The following ASIC1 variants were observed in gnomAD, a reference collection of about 807,000 sequenced individuals.
ASIC1 encodes the protein acid-sensing ion channel 1.
ASIC1 carries 21 observed loss-of-function variants against 63.4 expected under a neutral mutation model. The observed-to-expected ratio is 0.33, with a 90% CI of 0.23 to 0.48. The LOEUF (loss-of-function observed/expected upper bound fraction) is 0.48, where lower values mean the gene tolerates loss of function less well. ASIC1 is among the 20% of genes least tolerant of loss of function. ASIC1 has a pLI of 0.99. For missense variants in ASIC1, 478 were observed against 695.5 expected (o/e 0.69, Z 3.52); for synonymous variants, 258 against 278.2 (o/e 0.93, Z 0.72).
chr12:50,071,284 T>C (rs1033119417), intron 3 of ASIC1, among the ~76,000 whole-genome samples: 2 of 149,672 alleles, frequency 1.3e-5, no homozygotes, highest in South Asian at 2.1e-4. Context: ...TTTTTTTTTT[T>C]GAGACGGAGT....
At chr12:50,079,307 TG>T (rs772265841) in intron 7 of ASIC1, among the ~76,000 whole-genome samples, 103 of 152,088 alleles carry the variant, frequency 6.8e-4, no homozygotes, top group Non-Finnish European at 1.0e-3. Context: ...CCAGCTACTC[TG>T]GAGGCTGAGG....
In ASIC1 at chr12:50,080,325, T is replaced by G. The variant is rs1950702413; in HGVS notation, c.1206-173T>G. 20 of 785,546 alleles carry G rather than the reference T, an allele frequency of 2.5e-5. 1 individual carries two copies. In the South Asian group the frequency reaches 3.2e-4, roughly 12 times the overall value. 48.7% of individuals were successfully genotyped at this position (785,546 alleles called of 1,614,324 possible). A position where few individuals can be genotyped will look rare whatever the true frequency, so the allele number is the denominator to read the frequency against. On this transcript the variant is annotated intron_variant, in intron 8 of 11. Coordinates refer to ENST00000447966, the MANE Select transcript of ASIC1 (RefSeq NM_001095.4). ...TGCATACTGCATATGGTACAGAACA[T>G]TTTTTCATATATGCCATCTCATTTA...
intron 3 of ASIC1, among the ~76,000 whole-genome samples, chr12:50,064,291 G>A (rs952484358): frequency 5.9e-5 from 9 of 152,102 alleles, no homozygotes; most frequent in African/African-American, 2.2e-4. Flanking sequence ...GAGAGGAGAT[G>A]GGAGCAGAGC....
chr12:50,080,008 A>T lies in ASIC1; in HGVS notation c.1158A>T (p.Ser386=), dbSNP rs1167212022. Residue 386 remains serine (S), a synonymous_variant, in exon 8 of 12, where the codon TCA becomes TCT. Coordinates refer to ENST00000447966, the MANE Select transcript of ASIC1 (RefSeq NM_001095.4). ...TGGTCAAGATCCCCAGCAAAGCCTC[A>T]GCCAAGTACCTGGCCAAGAAGTTCA... The part of the protein sequence containing the change: ...LSMVKIPSKA[S]AKYLAKKFNK... 1.2e-6 allele frequency: 2 copies of T among 1,613,954 alleles called. No homozygotes were observed. Among genetic ancestry groups the T allele is most frequent in the Non-Finnish European group, 1.7e-6 (2 of 1,179,996 alleles).
chr12:50,058,653 C>T (rs1249826487), intron 1 of ASIC1, 98 bp from the exon 2 acceptor site: 5 of 1,436,534 alleles, frequency 3.5e-6, no homozygotes, highest in Non-Finnish European at 4.6e-6. Context: ...GGAGTGGTGA[C>T]CTCTGGAGAT....
In ASIC1 at chr12:50,074,651, C is replaced by A. The variant is rs1255251848; in HGVS notation, c.559-2562C>A. Among the ~76,000 whole-genome samples, 2 of 152,254 alleles carry A rather than the reference C, an allele frequency of 1.3e-5. No homozygotes were observed. The highest frequency in any genetic ancestry group is 1.9e-4 in the East Asian group (1 of 5,166). On this transcript the variant is annotated intron_variant, in intron 3 of 11. Coordinates refer to ENST00000447966, the MANE Select transcript of ASIC1 (RefSeq NM_001095.4). The surrounding 1 kb of genome is among the most constrained non-coding windows in gnomAD (Gnocchi z 4.2). Reference sequence around the variant, plus strand: ...CCTGGCCAGTTGTTCACTATTTTGACTAGCACCCATGGACTGAAGCTGGGG... The same window carrying A: ...CCTGGCCAGTTGTTCACTATTTTGAATAGCACCCATGGACTGAAGCTGGGG...
rs1156715837 is a variant in ASIC1, at chr12:50,074,463, TA to T, written c.559-2749del. Among the ~76,000 whole-genome samples the T allele has an allele frequency of 6.6e-6, 1 of 152,180 alleles. No individual in the cohort carries two copies. Among genetic ancestry groups the T allele is most frequent in the African/African-American group, 2.4e-5 (1 of 41,432 alleles). On this transcript the variant is annotated intron_variant, in intron 3 of 11. Coordinates refer to ENST00000447966, the MANE Select transcript of ASIC1 (RefSeq NM_001095.4). The surrounding 1 kb of genome is among the most constrained non-coding windows in gnomAD (Gnocchi z 4.2). ...TCCACACCAGTGCTGCTTTTCCTGT[TA>T]GAATCTTGAAACACGTCTGTCTTAG...
rs199951075 is a variant in ASIC1, at chr12:50,081,383, G to A, written c.1482+19G>A. On this transcript the variant is annotated intron_variant, in intron 11 of 11. Coordinates refer to ENST00000447966, the MANE Select transcript of ASIC1 (RefSeq NM_001095.4). ...AAGACACGTGAGGGAGCGAGCGAGG[G>A]CGCCCTCCAGCCCGCCTGTGCCTCC... The A allele has an allele frequency of 6.4e-6, 10 of 1,565,448 alleles. No individual in the cohort carries two copies. Among genetic ancestry groups the A allele is most frequent in the African/African-American group, 1.4e-5 (1 of 73,898 alleles).
chr12:50,081,246 C>T lies in ASIC1; in HGVS notation c.1378-14C>T, dbSNP rs1000152524. The T allele has an allele frequency of 1.3e-5, 21 of 1,604,870 alleles. No individual in the cohort carries two copies. Among genetic ancestry groups the T allele is most frequent in the South Asian group, 4.5e-5 (4 of 89,570 alleles). On this transcript the variant is annotated splice_polypyrimidine_tract_variant and intron_variant, in intron 10 of 11. Coordinates refer to ENST00000447966, the MANE Select transcript of ASIC1 (RefSeq NM_001095.4). The stretch of plus-strand genomic sequence containing the variant: ...CGGGGTCCAGCCCGCCCACCTGCCC[C>T]GTCCCCGTCCTAGGTCATTAAGCAC...
At chr12:50,080,389 A>G (rs983030151) in intron 8 of ASIC1, 109 bp from the exon 9 acceptor site, 1 of 1,049,482 alleles carries the variant, frequency 9.5e-7, no homozygotes, top group Admixed American at 2.2e-5. Context: ...ATCTCATTTT[A>G]TGGATATGGA....
At chr12:50,065,198 C>T (rs1394401086) in intron 3 of ASIC1, among the ~76,000 whole-genome samples, 1 of 152,226 alleles carries the variant, frequency 6.6e-6, no homozygotes, top group Non-Finnish European at 1.5e-5. Flanking sequence ...CAAGCTTTCC[C>T]TCACTTGTAT....
chr12:50,078,150 G>A lies in ASIC1; in HGVS notation c.837+23G>A. On this transcript the variant is annotated intron_variant, in intron 5 of 11. Transcript: ENST00000447966. The surrounding 1 kb of genome is among the most constrained non-coding windows in gnomAD (Gnocchi z 6.0). ...CGGGTGAGAGGGCCATGGGAGGCTG[G>A]TCCTGGGGTGGGGTATTGAGGGGTC... 1 of 1,605,766 alleles carries A rather than the reference G, an allele frequency of 6.2e-7. No homozygotes were observed. Among genetic ancestry groups the A allele is most frequent in the Non-Finnish European group, 8.5e-7 (1 of 1,176,110 alleles).
chr12:50,063,635 G>A (rs1291100099), intron 3 of ASIC1, among the ~76,000 whole-genome samples: 1 of 152,100 alleles, frequency 6.6e-6, no homozygotes, highest in Non-Finnish European at 1.5e-5. Context: ...GAGGTGGAGT[G>A]AATGGGGATG....
chr12:50,060,368 T>C (rs940066086), intron 3 of ASIC1, among the ~76,000 whole-genome samples: 1 of 152,196 alleles, frequency 6.6e-6, no homozygotes, highest in Admixed American at 6.5e-5. Flanking sequence ...TGCAGGACTT[T>C]GCCACCCCAC....
chr12:50,060,962 G>A (rs1229374351), intron 3 of ASIC1, among the ~76,000 whole-genome samples: 6 of 152,174 alleles, frequency 3.9e-5, no homozygotes, highest in Non-Finnish European at 8.8e-5. Flanking sequence ...TGAGACACAG[G>A]CAGAATGATT....
At chr12:50,075,294 A>T (rs995846221) in intron 3 of ASIC1, among the ~76,000 whole-genome samples, 7 of 152,172 alleles carry the variant, frequency 4.6e-5, no homozygotes, top group African/African-American at 1.7e-4. Context: ...GCCAGGAGCC[A>T]TAGGAATGTG....
intron 3 of ASIC1, chr12:50,073,609 A>G (rs1335987038): frequency 3.3e-6 from 5 of 1,533,692 alleles, no homozygotes; most frequent in South Asian, 1.2e-5. Context: ...CTTCTGCTCC[A>G]TGTCATTCTC....
chr12:50,073,466 T>C, intron 3 of ASIC1: 1 of 1,427,388 alleles, frequency 7.0e-7, no homozygotes, highest in Non-Finnish European at 9.1e-7. Context: ...CTGAGATACC[T>C]GGCTGACGGG....
At chr12:50,060,163 A>G (rs1482476747) in intron 3 of ASIC1, among the ~76,000 whole-genome samples, 3 of 152,242 alleles carry the variant, frequency 2.0e-5, no homozygotes, top group African/African-American at 7.2e-5. Context: ...CCTTGCAGCC[A>G]TGATGGCAGG....
Sources: gnomAD v4.1 joint callset for allele counts (sites outside exome capture counted in the v4.1 genomes callset) on GRCh38, gnomAD v4.1.1 for gene constraint, Gnocchi (gnomAD v3.1) non-coding constraint, MANE v1.5 for transcripts, NCBI Gene and HGNC (gene_info 2026-07-23, HGNC 2026-07-21) for gene names.